ARFGEF2: variants seen among roughly 807,000 people sequenced by gnomAD.
The protein encoded by ARFGEF2 is brefeldin A-inhibited guanine nucleotide-exchange protein 2.
Under a neutral mutation model 219.9 loss-of-function variants are expected in ARFGEF2, and 74 were observed. That is an observed-to-expected ratio of 0.34 (90% confidence interval 0.28 to 0.41). The LOEUF (loss-of-function observed/expected upper bound fraction) is 0.41. Ranked by LOEUF, ARFGEF2 falls within the 10% of genes least tolerant of loss-of-function variation. The pLI, the probability that ARFGEF2 is intolerant of heterozygous loss-of-function variation, is 1.00. For missense variants in ARFGEF2, 1,743 were observed against 2,218.3 expected (o/e 0.79, Z 4.30); for synonymous variants, 733 against 799.2 (o/e 0.92, Z 1.40).
chr20:48,928,217 G>C (rs1246344442), intron 1 of ARFGEF2, among the ~76,000 whole-genome samples: 1 of 19,098 alleles, frequency 5.2e-5, no homozygotes, highest in Non-Finnish European at 1.1e-4. Context: ...TTTTTTTTTT[G>C]AGACGGAGTC....
chr20:49,014,348 A>G (rs2091518014), intron 30 of ARFGEF2, among the ~76,000 whole-genome samples: 1 of 152,020 alleles, frequency 6.6e-6, no homozygotes, highest in Non-Finnish European at 1.5e-5. Flanking sequence ...ATGATGTTGA[A>G]TATTAAGCCT....
At chr20:49,015,479 A>G (rs2091524071) in intron 30 of ARFGEF2, among the ~76,000 whole-genome samples, 1 of 152,234 alleles carries the variant, frequency 6.6e-6, no homozygotes, top group Non-Finnish European at 1.5e-5. Flanking sequence ...TCCACAGCTT[A>G]TGAACATTTA....
chr20:48,967,017 TTTA>T (rs2091192287), intron 8 of ARFGEF2, among the ~76,000 whole-genome samples: 1 of 152,100 alleles, frequency 6.6e-6, no homozygotes, highest in Admixed American at 6.6e-5. Context: ...TGGCTAATTT[TTTA>T]TTATTATTTG....
chr20:49,029,909 T>A (rs1163375921), intron 37 of ARFGEF2, among the ~76,000 whole-genome samples: 4 of 142,128 alleles, frequency 2.8e-5, no homozygotes, highest in African/African-American at 5.3e-5. Flanking sequence ...TGAATTTTTT[T>A]TTTTTTTTTT....
chr20:48,975,955 G>A, intron 13 of ARFGEF2, 61 bp from the exon 14 acceptor site: 2 of 1,579,402 alleles, frequency 1.3e-6, no homozygotes, highest in Non-Finnish European at 1.7e-6. Context: ...GCCAGACCTA[G>A]CTCGGCTGTG....
intron 25 of ARFGEF2, among the ~76,000 whole-genome samples, chr20:49,000,655 C>T (rs2091419624): frequency 6.6e-6 from 1 of 152,184 alleles, no homozygotes; most frequent in East Asian, 1.9e-4. Flanking sequence ...GTATTCTTGT[C>T]CAAACATGTG....
intron 37 of ARFGEF2, among the ~76,000 whole-genome samples, chr20:49,031,622 T>G (rs1438144397): frequency 1.3e-5 from 2 of 152,112 alleles, no homozygotes; most frequent in Non-Finnish European, 1.5e-5. Context: ...CAATAGTTAT[T>G]GCAGTGGCTG....
chr20:49,008,956 C>T (rs899369690), intron 26 of ARFGEF2, among the ~76,000 whole-genome samples: 1 of 152,218 alleles, frequency 6.6e-6, no homozygotes, highest in African/African-American at 2.4e-5. Flanking sequence ...GATCCACCTG[C>T]TTCGGCCTCC....
chr20:49,007,576 G>A (rs999896916), intron 26 of ARFGEF2, among the ~76,000 whole-genome samples: 4 of 143,060 alleles, frequency 2.8e-5, no homozygotes, highest in East Asian at 2.1e-4. Flanking sequence ...GGCGTGAGCC[G>A]CCACACCTGG....
chr20:48,989,230 A>C, intron 18 of ARFGEF2, 55 bp from the exon 19 acceptor site: 1 of 1,599,662 alleles, frequency 6.3e-7, no homozygotes, highest in Non-Finnish European at 8.6e-7. Context: ...AGTGTATGGC[A>C]TGTAGCCAGC....
At chr20:48,997,687 C>T (rs551762508) in intron 23 of ARFGEF2, among the ~76,000 whole-genome samples, 31 of 152,252 alleles carry the variant, frequency 2.0e-4, no homozygotes, top group Non-Finnish European at 2.9e-4. Context: ...TCATTTATTT[C>T]GGTGGAGGTG....
intron 8 of ARFGEF2, among the ~76,000 whole-genome samples, chr20:48,968,244 C>T (rs994391484): frequency 6.6e-6 from 1 of 152,178 alleles, no homozygotes; most frequent in African/African-American, 2.4e-5. Context: ...TCGCCCGCCT[C>T]AGCCTCCCAA....
At position 49,016,370 on chromosome 20, in the gene ARFGEF2, C is replaced by T. The variant is rs943907079; in HGVS notation, c.4270C>T (p.Leu1424Phe). The T allele has an allele frequency of 1.2e-6, 2 of 1,613,670 alleles. No individual in the cohort carries two copies. The highest frequency in any genetic ancestry group is 2.7e-5 in the African/African-American group (2 of 74,894). ...GTTTTATGAAGCTTTGAATGAAGTTCTTCTTTCTGATGTATTTGCACAATT... is the reference window on the plus strand; with the variant it reads ...GTTTTATGAAGCTTTGAATGAAGTTTTTCTTTCTGATGTATTTGCACAATT... ...TQFYEALNEV[L>F]LSDVFAQLQW... The change falls in exon 31 of 39, where the codon CTT becomes TTT. Residue 1424 changes from leucine (L) to phenylalanine (F), a missense_variant. Around this residue, in one of 5 missense-constraint regions of ARFGEF2, gnomAD observed 578 missense variants for 664.0 expected, o/e 0.87. Coordinates refer to ENST00000371917, the MANE Select transcript of ARFGEF2 (RefSeq NM_006420.3).
At chr20:48,922,781 C>T (rs2090851497) in intron 1 of ARFGEF2, among the ~76,000 whole-genome samples, 1 of 152,218 alleles carries the variant, frequency 6.6e-6, no homozygotes, top group South Asian at 2.1e-4. Context: ...ACTATCCTAT[C>T]TTTCAGTTTT....
At chr20:49,010,429 CTA>C (rs781328518) in intron 27 of ARFGEF2, 25 bp downstream of exon 27, 1 of 1,611,924 alleles carries the variant, frequency 6.2e-7, no homozygotes, top group Non-Finnish European at 8.5e-7. Flanking sequence ...TCCCTCCCTA[CTA>C]ATGTCCCACC....
In ARFGEF2 at chr20:49,033,381, A is replaced by C; in HGVS notation, c.*182A>C. 4.6e-6 allele frequency: 3 copies of C among 655,136 alleles called. No homozygotes were observed. The highest frequency in any genetic ancestry group is 1.8e-5 in the African/African-American group (1 of 55,352). The allele number at this position is 655,136 out of a possible 1,614,324, so 40.6% of individuals were successfully genotyped here. A position where few individuals can be genotyped will look rare whatever the true frequency, so the allele number is the denominator to read the frequency against. ...CTCCAACTAAGGCTTATGGTATTTC[A>C]TTAAACTGTTGCATACCCAGTTAGC... On this transcript the variant is annotated 3_prime_UTR_variant, in exon 39 of 39. Coordinates refer to ENST00000371917, the MANE Select transcript of ARFGEF2 (RefSeq NM_006420.3).
intron 34 of ARFGEF2, among the ~76,000 whole-genome samples, chr20:49,021,336 A>G (rs1192616130): frequency 1.3e-5 from 2 of 152,226 alleles, no homozygotes; most frequent in African/African-American, 2.4e-5. Context: ...CTTGTTTTCT[A>G]TCACTGAAAT....
At chr20:48,957,699 A>G (rs924281253) in intron 6 of ARFGEF2, among the ~76,000 whole-genome samples, 17 of 152,218 alleles carry the variant, frequency 1.1e-4, no homozygotes, top group African/African-American at 4.1e-4. Context: ...CAAGGCTGTC[A>G]TGTCAGCAGG....
At chr20:48,962,849 A>C (rs1488542925) in intron 6 of ARFGEF2, among the ~76,000 whole-genome samples, 1 of 152,196 alleles carries the variant, frequency 6.6e-6, no homozygotes, top group African/African-American at 2.4e-5. Flanking sequence ...ATACACAGTC[A>C]AAGGATTATT....
Sources: allele counts gnomAD v4.1 joint callset (sites outside exome capture counted in the v4.1 genomes callset), GRCh38; gene constraint gnomAD v4.1.1; regional missense constraint gnomAD v4.1.1; transcripts MANE v1.5; gene names NCBI Gene and HGNC (gene_info 2026-07-23, HGNC 2026-07-21).